Variants in NALF1 observed in about 807,000 individuals in gnomAD.
The protein encoded by NALF1 is NALCN channel auxiliary factor 1.
In NALF1, 3 loss-of-function variants were observed where a neutral mutation model predicts 48.4. That is an observed-to-expected ratio of 0.06 (90% CI 0.03 to 0.16). The LOEUF is 0.16. Ranked by LOEUF, NALF1 falls within the 10% of genes least tolerant of loss-of-function variation. The pLI, the probability that NALF1 is intolerant of heterozygous loss-of-function variation, is 1.00. For missense variants in NALF1, 526 were observed against 571.5 expected, an observed-to-expected ratio of 0.92 and a Z score of 0.81; for synonymous variants, 262 against 245.7, an observed-to-expected ratio of 1.07 and a Z score of -0.62.
chr13:107,761,633 T>C (rs1877267978), intron 1 of NALF1, among the ~76,000 whole-genome samples: 1 of 152,198 alleles, frequency 6.6e-6, no homozygotes, highest in Admixed American at 6.5e-5. Context: ...CAATTAGGCA[T>C]TGTGCTAAGC....
intron 1 of NALF1, among the ~76,000 whole-genome samples, chr13:107,354,563 G>A (rs941058231): frequency 3.3e-5 from 5 of 152,224 alleles, no homozygotes; most frequent in East Asian, 1.9e-4. Flanking sequence ...CACCAGGTCC[G>A]CCCCCGAACA....
At chr13:107,649,391 T>C (rs188645301) in intron 1 of NALF1, among the ~76,000 whole-genome samples, 38 of 152,334 alleles carry the variant, frequency 2.5e-4, no homozygotes, top group African/African-American at 7.9e-4. Context: ...CAATGCTATG[T>C]GATAAAATTT....
intron 1 of NALF1, among the ~76,000 whole-genome samples, chr13:107,833,928 T>A (rs1006984026): frequency 7.2e-5 from 11 of 152,256 alleles, no homozygotes; most frequent in Middle Eastern, 6.8e-3. Context: ...TTTGTAAAAC[T>A]ATGGAAACTT....
chr13:107,373,479 C>T (rs1331036258), intron 1 of NALF1, among the ~76,000 whole-genome samples: 2 of 152,120 alleles, frequency 1.3e-5, no homozygotes, highest in Non-Finnish European at 2.9e-5. Flanking sequence ...ATTCCGATCC[C>T]AGTCCCTGGG....
intron 1 of NALF1, among the ~76,000 whole-genome samples, chr13:107,586,106 G>A (rs1045231987): frequency 1.3e-5 from 2 of 152,070 alleles, no homozygotes; most frequent in East Asian, 3.9e-4. Context: ...ATGTGTGAAA[G>A]AGAAAAATGG....
chr13:107,538,684 G>C (rs1452355372), intron 1 of NALF1, among the ~76,000 whole-genome samples: 1 of 151,894 alleles, frequency 6.6e-6, no homozygotes, highest in East Asian at 1.9e-4. Flanking sequence ...TTCTGTCATT[G>C]GAATCAGACC....
chr13:107,804,541 A>T (rs1224203101), intron 1 of NALF1, among the ~76,000 whole-genome samples: 2 of 152,110 alleles, frequency 1.3e-5, no homozygotes, highest in Non-Finnish European at 2.9e-5. Flanking sequence ...AGACAGGGAC[A>T]ACATCCCTCC....
At chr13:107,673,514 G>C (rs574140237) in intron 1 of NALF1, among the ~76,000 whole-genome samples, 8 of 152,088 alleles carry the variant, frequency 5.3e-5, no homozygotes, top group African/African-American at 1.7e-4. Context: ...AGATCATAGC[G>C]TTTTCCAACT....
At chr13:107,409,030 C>A (rs1392192695) in intron 1 of NALF1, among the ~76,000 whole-genome samples, 1 of 151,952 alleles carries the variant, frequency 6.6e-6, no homozygotes, top group East Asian at 1.9e-4. Flanking sequence ...GATAAACATA[C>A]AAAGCCCAAC....
intron 1 of NALF1, among the ~76,000 whole-genome samples, chr13:107,798,314 T>C (rs377132396): frequency 1.2e-3 from 181 of 152,350 alleles, no homozygotes; most frequent in African/African-American, 4.0e-3. Context: ...GCCAGTTTAG[T>C]ATGCTAACTT....
At chr13:107,208,883 T>TC (rs113500297) in intron 2 of NALF1, among the ~76,000 whole-genome samples, 18 of 151,850 alleles carry the variant, frequency 1.2e-4, no homozygotes, top group African/African-American at 4.3e-4. Context: ...CCCTCCTTCC[T>TC]CCCCCTCCTC....
chr13:107,788,788 A>G (rs1174910704), intron 1 of NALF1: 4 of 152,040 alleles, frequency 2.6e-5, no homozygotes, highest in African/African-American at 9.7e-5. Flanking sequence ...CTTTTTTTAA[A>G]AAAAAAAAAT....
At chr13:107,650,135 G>C (rs4772898) in intron 1 of NALF1, among the ~76,000 whole-genome samples, 1 of 152,120 alleles carries the variant, frequency 6.6e-6, no homozygotes, top group Admixed American at 6.5e-5. Context: ...GTCCCTGGTG[G>C]CATATCCTAC....
chr13:107,481,858 C>T (rs7336336), intron 1 of NALF1, among the ~76,000 whole-genome samples: 1 of 151,872 alleles, frequency 6.6e-6, no homozygotes, highest in South Asian at 2.1e-4. Flanking sequence ...TGTTTTTACC[C>T]GATCAAGGCA....
intron 1 of NALF1, among the ~76,000 whole-genome samples, chr13:107,444,412 T>A (rs1884614493): frequency 6.6e-6 from 1 of 152,196 alleles, no homozygotes; most frequent in African/African-American, 2.4e-5. Context: ...TGAGCTTTTC[T>A]ATAGGGAAGG....
intron 1 of NALF1, among the ~76,000 whole-genome samples, chr13:107,686,419 G>A (rs1304942809): frequency 2.0e-5 from 3 of 151,586 alleles, no homozygotes; most frequent in Non-Finnish European, 4.4e-5. Flanking sequence ...ATTTTGAGAC[G>A]GAGGCTCACT....
intron 1 of NALF1, among the ~76,000 whole-genome samples, chr13:107,832,420 T>C (rs960356763): frequency 8.5e-5 from 13 of 152,150 alleles, no homozygotes; most frequent in Admixed American, 6.6e-4. Flanking sequence ...AATGTATTTA[T>C]ATATACATAA....
intron 1 of NALF1, among the ~76,000 whole-genome samples, chr13:107,658,461 A>G (rs1253162863): frequency 6.6e-6 from 1 of 151,790 alleles, no homozygotes; most frequent in Non-Finnish European, 1.5e-5. Flanking sequence ...AATTATCAAC[A>G]CTCTGTACCT....
At chr13:107,229,424 C>T (rs368511985) in intron 1 of NALF1, among the ~76,000 whole-genome samples, 57 of 152,164 alleles carry the variant, frequency 3.7e-4, no homozygotes, top group African/African-American at 1.3e-3. Context: ...TGCTGGGGGA[C>T]GTGCAACACC....
Sources: allele counts gnomAD v4.1 joint callset (sites outside exome capture counted in the v4.1 genomes callset), GRCh38; gene constraint gnomAD v4.1.1; transcripts MANE v1.5; gene names NCBI Gene and HGNC (gene_info 2026-07-23, HGNC 2026-07-21).